The following FMN2 variants were observed in gnomAD, a reference collection of about 807,000 sequenced individuals.
FMN2 encodes formin-2.
In FMN2, 51 loss-of-function variants were observed where a neutral mutation model predicts 142.3. The ratio of observed to expected loss-of-function variants is 0.36; its 90% CI spans 0.29 to 0.45. The LOEUF is 0.45. Among genes scored for constraint, FMN2 ranks in the 20% least tolerant of loss-of-function variants. The pLI is 1.00. For synonymous variants in FMN2, 882 were observed against 869.8 expected, an observed-to-expected ratio of 1.01 and a Z score of -0.25; for missense variants, 1,936 against 2,122.8, an observed-to-expected ratio of 0.91 and a Z score of 1.73.
intron 13 of FMN2, among the ~76,000 whole-genome samples, chr1:240,354,963 A>G (rs186483142): frequency 2.6e-5 from 4 of 152,024 alleles, no homozygotes; most frequent in African/African-American, 4.8e-5. Flanking sequence ...GTTTCTTGCT[A>G]TTACCAAAAT....
At chr1:240,249,353 G>A (rs1454398726) in intron 6 of FMN2, among the ~76,000 whole-genome samples, 1 of 151,824 alleles carries the variant, frequency 6.6e-6, no homozygotes, top group African/African-American at 2.4e-5. Context: ...ATTGAAGAGG[G>A]TGTCTTTTCC....
intron 7 of FMN2, among the ~76,000 whole-genome samples, chr1:240,264,739 C>T (rs1246552437): frequency 1.3e-5 from 2 of 152,104 alleles, no homozygotes; most frequent in Non-Finnish European, 2.9e-5. Flanking sequence ...GCATAGTATT[C>T]CATGGTGTAT....
intron 14 of FMN2, among the ~76,000 whole-genome samples, chr1:240,366,617 G>A (rs751000674): frequency 3.3e-5 from 5 of 149,822 alleles, no homozygotes; most frequent in Non-Finnish European, 4.4e-5. Flanking sequence ...TCGGCTCACC[G>A]CAACCTCCGC....
intron 6 of FMN2, among the ~76,000 whole-genome samples, chr1:240,217,402 T>C (rs1666946369): frequency 6.6e-6 from 1 of 152,200 alleles, no homozygotes; most frequent in Non-Finnish European, 1.5e-5. Flanking sequence ...TGGACAGTTA[T>C]ATTTGTCTTT....
intron 15 of FMN2, among the ~76,000 whole-genome samples, chr1:240,396,005 A>T (rs1572264247): frequency 6.6e-6 from 1 of 152,136 alleles, no homozygotes; most frequent in Admixed American, 6.6e-5. Context: ...CTTATTAGCC[A>T]CCCCAGCCTT....
At chr1:240,153,690 GACTAAAGGTTCTCACA>G (rs1330370940) in intron 2 of FMN2, among the ~76,000 whole-genome samples, 1 of 152,058 alleles carries the variant, frequency 6.6e-6, no homozygotes, top group Non-Finnish European at 1.5e-5. Flanking sequence ...ATAGGCCAGG[GACTAAAGGTTCTCACA>G]GGTAAATTTC....
intron 16 of FMN2, among the ~76,000 whole-genome samples, chr1:240,447,654 C>A (rs1675873393): frequency 6.6e-6 from 1 of 152,178 alleles, no homozygotes; most frequent in Non-Finnish European, 1.5e-5. Flanking sequence ...TTGCACCAAC[C>A]TAATACGTGG....
intron 2 of FMN2, among the ~76,000 whole-genome samples, chr1:240,138,555 A>G (rs1287108867): frequency 6.6e-6 from 1 of 151,862 alleles, no homozygotes; most frequent in Non-Finnish European, 1.5e-5. Context: ...AAAAATACAA[A>G]CATTAGTCAG....
intron 15 of FMN2, among the ~76,000 whole-genome samples, chr1:240,437,423 G>C (rs1396910835): frequency 1.3e-5 from 2 of 150,394 alleles, no homozygotes; most frequent in Non-Finnish European, 2.9e-5. Context: ...AGCCTCCCAA[G>C]TAGCTGGGAC....
At chr1:240,413,773 T>C (rs544401956) in intron 15 of FMN2, among the ~76,000 whole-genome samples, 2 of 152,350 alleles carry the variant, frequency 1.3e-5, no homozygotes, top group Non-Finnish European at 2.9e-5. Flanking sequence ...AGAATTTTTC[T>C]TTATGTTATA....
chr1:240,206,023 C>T (rs1326989388), intron 4 of FMN2, among the ~76,000 whole-genome samples: 3 of 151,976 alleles, frequency 2.0e-5, no homozygotes, highest in Admixed American at 6.6e-5. Context: ...CCGCCTCAGC[C>T]TCCCAAGTAG....
At chr1:240,273,045 C>G (rs1302005233) in intron 7 of FMN2, among the ~76,000 whole-genome samples, 1 of 151,860 alleles carries the variant, frequency 6.6e-6, no homozygotes, top group Non-Finnish European at 1.5e-5. Flanking sequence ...CTTGCTTTAG[C>G]CACTAGAGCA....
At position 240,329,345 on chromosome 1, in the gene FMN2, T is replaced by G. The variant is rs751902914; in HGVS notation, c.4314T>G (p.Leu1438=). 1.7e-5 allele frequency: 28 copies of G among 1,612,340 alleles called. No homozygotes were observed. The highest frequency in any genetic ancestry group is 2.2e-5 in the South Asian group (2 of 90,556). Reference sequence around the variant, plus strand: ...CTTGGCTTTATTTCCTTAGGTTCCTTTATGAACTGTCACTAATCCCCAACT... The same window carrying G: ...CTTGGCTTTATTTCCTTAGGTTCCTGTATGAACTGTCACTAATCCCCAACT... ...AKSLDKPEQF[L]YELSLIPNFS... The change falls in exon 10 of 18, where the codon CTT becomes CTG. Residue 1438 remains leucine (L), a synonymous_variant. Transcript: ENST00000319653.
At chr1:240,346,963 A>G (rs926020420) in intron 13 of FMN2, among the ~76,000 whole-genome samples, 5 of 152,216 alleles carry the variant, frequency 3.3e-5, no homozygotes, top group Non-Finnish European at 5.9e-5. Flanking sequence ...AGAAACTGGC[A>G]TATTTTATGG....
chr1:240,092,992 T>C lies in FMN2; in HGVS notation c.883T>C (p.Ser295Pro), dbSNP rs201538863. Residue 295 changes from serine to proline, a missense_variant, in exon 1 of 18, where the codon TCC becomes CCC. Physicochemically the swap from Ser to Pro is moderately conservative, Grantham distance 74. Coordinates refer to ENST00000319653, the MANE Select transcript of FMN2 (RefSeq NM_020066.5). ...AEPREPQQPP[S>P]PGGLPVSEAP... is the part of the protein sequence containing the mutation. ...GCCCCGGGAGCCCCAGCAACCGCCGTCCCCCGGCGGCCTCCCGGTCTCCGA... is the reference window on the plus strand; with the variant it reads ...GCCCCGGGAGCCCCAGCAACCGCCGCCCCCCGGCGGCCTCCCGGTCTCCGA... 1,370 of 1,399,736 alleles carry C rather than the reference T, an allele frequency of 9.8e-4. 7 individuals are homozygous for C. The African/African-American group carries it at 0.019, about 20-fold the overall frequency. The allele number at this position is 1,399,736 out of a possible 1,614,324, so 86.7% of individuals were successfully genotyped here.
chr1:240,208,784 G>A lies in FMN2; in HGVS notation c.3920+52G>A, dbSNP rs752130397. On this transcript the variant is annotated intron_variant, in intron 5 of 17. Coordinates refer to ENST00000319653, the MANE Select transcript of FMN2 (RefSeq NM_020066.5). ...CACAGTGTGTGTCAGTATTAGGGAA[G>A]TGTTTACCTTCAAACTCGGGAAAAT... The A allele has an allele frequency of 5.9e-6, 9 of 1,525,792 alleles. No individual in the cohort carries two copies. In the East Asian group the frequency reaches 9.1e-5, roughly 15 times the overall value. 94.5% of individuals were successfully genotyped at this position (1,525,792 alleles called of 1,614,324 possible).
rs5782134 is a variant in FMN2, at chr1:240,325,343, CAAAAAAA to C, written c.4216-3722_4216-3716del. Among the ~76,000 whole-genome samples, 29 of 108,092 alleles carry C rather than the reference CAAAAAAA, an allele frequency of 2.7e-4. 1 individual carries two copies. Among genetic ancestry groups the C allele is most frequent in the African/African-American group, 9.5e-4 (28 of 29,410 alleles). 70.9% of individuals were successfully genotyped at this position (108,092 alleles called of 152,430 possible). A position where few individuals can be genotyped will look rare whatever the true frequency, so the allele number is the denominator to read the frequency against. On this transcript the variant is annotated intron_variant, in intron 8 of 17. Transcript: ENST00000319653. ...GGGTGACACGGTGAGACCCTGTCTC[CAAAAAAA>C]AAAAAAAAAAGAGAAGGATAAGGAA... is the stretch of plus-strand genomic sequence containing the variant.
rs192636692 is a variant in FMN2 at position 240,356,995 on chromosome 1, T to A, written c.4858+1087T>A. Among the ~76,000 whole-genome samples, 110 of 152,356 alleles carry A rather than the reference T, an allele frequency of 7.2e-4. 1 individual carries two copies. The highest frequency in any genetic ancestry group is 2.0e-3 in the African/African-American group (85 of 41,584). On this transcript the variant is annotated intron_variant, in intron 14 of 17. Coordinates refer to ENST00000319653, the MANE Select transcript of FMN2 (RefSeq NM_020066.5). ...TAACTTAGAGTGGAAAATCTACTCATTGATTCTTAACCGAAATCATTAGTC... is the reference window on the plus strand; with the variant it reads ...TAACTTAGAGTGGAAAATCTACTCAATGATTCTTAACCGAAATCATTAGTC...
chr1:240,394,333 G>A (rs1348520444), intron 15 of FMN2, among the ~76,000 whole-genome samples: 1 of 152,150 alleles, frequency 6.6e-6, no homozygotes, highest in Non-Finnish European at 1.5e-5. Context: ...GGACCATTGA[G>A]CCTGTTTCAA....
Sources: allele counts gnomAD v4.1 joint callset (sites outside exome capture counted in the v4.1 genomes callset), GRCh38; gene constraint gnomAD v4.1.1; transcripts MANE v1.5; gene names NCBI Gene and HGNC (gene_info 2026-07-23, HGNC 2026-07-21).